KIF2A: variants seen among roughly 807,000 people sequenced by gnomAD.
The protein encoded by KIF2A is kinesin-like protein KIF2A.
KIF2A carries 22 observed loss-of-function variants against 100.2 expected under a neutral mutation model. The ratio of observed to expected loss-of-function variants is 0.22; its 90% CI spans 0.16 to 0.31. The LOEUF (loss-of-function observed/expected upper bound fraction) is 0.31. KIF2A is among the 10% of genes least tolerant of loss of function. The pLI is 1.00. For synonymous variants in KIF2A, 268 were observed against 285.9 expected, an observed-to-expected ratio of 0.94 and a Z score of 0.63; for missense variants, 495 against 898.7, an observed-to-expected ratio of 0.55 and a Z score of 5.74.
chr5:62,378,628 T>TA (rs1388185406), intron 19 of KIF2A, among the ~76,000 whole-genome samples: 4 of 152,106 alleles, frequency 2.6e-5, no homozygotes, highest in African/African-American at 9.7e-5. Flanking sequence ...TTAAAACTAT[T>TA]AGAGTTTGGC....
At chr5:62,319,538 G>T (rs927807533) in intron 1 of KIF2A, among the ~76,000 whole-genome samples, 3 of 152,130 alleles carry the variant, frequency 2.0e-5, no homozygotes, top group Non-Finnish European at 2.9e-5. Flanking sequence ...TGTTTGCTCT[G>T]TCAAAAAACT....
At chr5:62,345,677 T>G (rs1747529762) in intron 1 of KIF2A, among the ~76,000 whole-genome samples, 1 of 152,100 alleles carries the variant, frequency 6.6e-6, no homozygotes, top group Non-Finnish European at 1.5e-5. Flanking sequence ...TCATAAACAA[T>G]AATACTTATT....
chr5:62,313,753 C>G (rs750900682), intron 1 of KIF2A, among the ~76,000 whole-genome samples: 6 of 152,164 alleles, frequency 3.9e-5, no homozygotes, highest in Middle Eastern at 3.4e-3. Flanking sequence ...TACTCTAGTA[C>G]CTATTTGAGT....
intron 16 of KIF2A, 136 bp from the exon 17 acceptor site, chr5:62,372,302 A>G (rs938772167): frequency 2.3e-5 from 14 of 621,628 alleles, no homozygotes; most frequent in Non-Finnish European, 3.9e-5. Flanking sequence ...TTGTAAAATA[A>G]TATTCTAAAT....
intron 1 of KIF2A, among the ~76,000 whole-genome samples, chr5:62,331,131 G>T (rs1746618269): frequency 6.6e-6 from 1 of 152,132 alleles, no homozygotes; most frequent in South Asian, 2.1e-4. Context: ...AAAGGTCTAG[G>T]CTGGGCGCAG....
At chr5:62,311,266 C>T (rs1036443169) in intron 1 of KIF2A, among the ~76,000 whole-genome samples, 3 of 152,076 alleles carry the variant, frequency 2.0e-5, no homozygotes, top group African/African-American at 7.2e-5. Context: ...AACCGTATAC[C>T]GCTTTTTACA....
intron 16 of KIF2A, among the ~76,000 whole-genome samples, chr5:62,367,581 A>C (rs1435936115): frequency 6.6e-6 from 1 of 152,048 alleles, no homozygotes; most frequent in Non-Finnish European, 1.5e-5. Context: ...CTGGTGTTCT[A>C]TATGGGTTAC....
intron 15 of KIF2A, among the ~76,000 whole-genome samples, chr5:62,365,770 C>T (rs1437295302): frequency 6.6e-6 from 1 of 152,066 alleles, no homozygotes; most frequent in African/African-American, 2.4e-5. Flanking sequence ...TAAACTTGCT[C>T]CAAACTCTTA....
At chr5:62,378,340 T>C (rs1741631224) in intron 19 of KIF2A, among the ~76,000 whole-genome samples, 1 of 152,200 alleles carries the variant, frequency 6.6e-6, no homozygotes, top group African/African-American at 2.4e-5. Context: ...GAAAATGTCC[T>C]ATCATGGTGA....
intron 3 of KIF2A, among the ~76,000 whole-genome samples, chr5:62,348,437 A>C (rs1747684151): frequency 6.6e-6 from 1 of 152,218 alleles, no homozygotes; most frequent in South Asian, 2.1e-4. Flanking sequence ...GATATAGATC[A>C]AAACCATTTG....
At chr5:62,374,676 C>CA in intron 18 of KIF2A, among the ~76,000 whole-genome samples, 1 of 152,216 alleles carries the variant, frequency 6.6e-6, no homozygotes, top group Middle Eastern at 3.4e-3. Context: ...CGCGGTGTCT[C>CA]ACGCCTGTAA....
intron 1 of KIF2A, among the ~76,000 whole-genome samples, chr5:62,330,779 A>G (rs889427554): frequency 1.3e-5 from 2 of 152,154 alleles, no homozygotes; most frequent in African/African-American, 4.8e-5. Context: ...GGGTTGCTAG[A>G]GGTTTTATCA....
chr5:62,365,330 G>A lies in KIF2A; in HGVS notation c.1555G>A (p.Gly519Ser), dbSNP rs781542903. 1.8e-5 allele frequency: 29 copies of A among 1,592,014 alleles called. No individual in the cohort carries two copies. The highest frequency in any genetic ancestry group is 2.3e-5 in the Non-Finnish European group (27 of 1,163,996). The change falls in exon 15 of 21, where the codon GGT becomes AGT. Residue 519 changes from glycine (G) to serine (S), a missense_variant. Transcript: ENST00000407818. ...TCAGGTGTTAAGAGATTCTTTCATA[G>A]GTGAAAACTCTCGTACCTGCATGGT... is the stretch of plus-strand genomic sequence containing the variant. Reference protein sequence around the residue: ...LTQVLRDSFIGENSRTCMIAT... With the variant: ...LTQVLRDSFISENSRTCMIAT...
chr5:62,350,940 A>T (rs1025774073), intron 4 of KIF2A, among the ~76,000 whole-genome samples: 10 of 151,590 alleles, frequency 6.6e-5, no homozygotes, highest in Non-Finnish European at 2.9e-5. Flanking sequence ...TTTAAAATGT[A>T]TGGGATGATG....
intron 12 of KIF2A, 146 bp downstream of exon 12, chr5:62,362,687 A>T (rs1748468176): frequency 2.7e-6 from 1 of 372,082 alleles, no homozygotes; most frequent in Non-Finnish European, 4.8e-6. Flanking sequence ...TGTATTTAGA[A>T]CTTTTATATT....
intron 1 of KIF2A, among the ~76,000 whole-genome samples, chr5:62,336,101 G>A (rs1244887852): frequency 6.6e-6 from 1 of 152,146 alleles, no homozygotes; most frequent in Non-Finnish European, 1.5e-5. Context: ...AAACCAAAAA[G>A]GCATAGCTGA....
chr5:62,326,612 GTC>G (rs1746391623), intron 1 of KIF2A, among the ~76,000 whole-genome samples: 2 of 151,934 alleles, frequency 1.3e-5, no homozygotes, highest in Non-Finnish European at 2.9e-5. Flanking sequence ...AACTTCAGTG[GTC>G]TCTCTGTGCT....
chr5:62,355,747 T>C (rs1748068277), intron 7 of KIF2A, among the ~76,000 whole-genome samples: 1 of 152,124 alleles, frequency 6.6e-6, no homozygotes, highest in Non-Finnish European at 1.5e-5. Context: ...TCTGCTGTTA[T>C]TACTCAACTC....
intron 16 of KIF2A, among the ~76,000 whole-genome samples, chr5:62,367,302 T>C (rs1172908238): frequency 6.6e-6 from 1 of 152,166 alleles, no homozygotes; most frequent in African/African-American, 2.4e-5. Flanking sequence ...AGTCTTGTTC[T>C]GTCACTCAGG....
Sources: allele counts gnomAD v4.1 joint callset (sites outside exome capture counted in the v4.1 genomes callset), GRCh38; gene constraint gnomAD v4.1.1; transcripts MANE v1.5; gene names NCBI Gene and HGNC (gene_info 2026-07-23, HGNC 2026-07-21).